The following ZNF14 variants were observed in gnomAD, a reference collection of about 807,000 sequenced individuals.
ZNF14 encodes the protein zinc finger protein 14, also known as gonadotropin inducible transcription repressor-4.
A neutral mutation model predicts 11.3 loss-of-function variants in ZNF14; 9 were observed. That is an observed-to-expected ratio of 0.80 (90% CI 0.48 to 1.39). The LOEUF (loss-of-function observed/expected upper bound fraction) is 1.39. Ranked by LOEUF, ZNF14 falls within the 40% of genes most tolerant of loss-of-function variation. The pLI, the probability that ZNF14 is intolerant of heterozygous loss-of-function variation, is 0.00. For missense variants in ZNF14, 711 were observed against 763.9 expected (o/e 0.93, Z 0.82); for synonymous variants, 239 against 245.7 (o/e 0.97, Z 0.25).
At chr19:19,717,166 T>C (rs1357651146) in intron 1 of ZNF14, among the ~76,000 whole-genome samples, 1 of 152,186 alleles carries the variant, frequency 6.6e-6, no homozygotes, top group Non-Finnish European at 1.5e-5. Flanking sequence ...CACCCATGCT[T>C]CTACACGCCA....
intron 1 of ZNF14, among the ~76,000 whole-genome samples, chr19:19,715,581 T>C (rs1018703016): frequency 2.6e-5 from 4 of 152,188 alleles, no homozygotes; most frequent in African/African-American, 9.7e-5. Flanking sequence ...AAACACGCAT[T>C]ACATTACTTC....
intron 1 of ZNF14, among the ~76,000 whole-genome samples, chr19:19,722,528 T>C (rs953395246): frequency 6.6e-6 from 1 of 152,222 alleles, no homozygotes; most frequent in Non-Finnish European, 1.5e-5. Context: ...CTTTGTTCTT[T>C]TGGCTTAGGA....
At chr19:19,727,325 T>C (rs2145104562) in intron 1 of ZNF14, among the ~76,000 whole-genome samples, 1 of 133,908 alleles carries the variant, frequency 7.5e-6, no homozygotes, top group Non-Finnish European at 1.7e-5. Context: ...TAGTTAATTT[T>C]TTTCTTTTTT....
At chr19:19,730,844 G>A (rs1422793467) in intron 1 of ZNF14, among the ~76,000 whole-genome samples, 5 of 152,142 alleles carry the variant, frequency 3.3e-5, no homozygotes, top group South Asian at 2.1e-4. Flanking sequence ...CCTGGAAGGC[G>A]GAGGTTGCGG....
rs748376363 is a variant in ZNF14, at chr19:19,712,001, G to T, written c.1280C>A (p.Thr427Asn). 6.2e-7 allele frequency: 1 copy of T among 1,613,596 alleles called. No individual in the cohort carries two copies. The highest frequency in any genetic ancestry group is 2.2e-5 in the East Asian group (1 of 44,838). Residue 427 changes from threonine (T) to asparagine (N), a missense_variant, in exon 4 of 4, where the codon ACC becomes AAC. Physicochemically the swap from Thr to Asn is moderately conservative, Grantham distance 65. Transcript: ENST00000344099. ...TTGAAGGGAACTTGAAAAACTGAAGGTTTTACCACATTGTTTACATTCATA... is the reference window on the plus strand; with the variant it reads ...TTGAAGGGAACTTGAAAAACTGAAGTTTTTACCACATTGTTTACATTCATA... ...KPYECKQCGK[T>N]FSFSSSLQRH...
At chr19:19,722,082 C>T (rs905484113) in intron 1 of ZNF14, among the ~76,000 whole-genome samples, 1 of 151,986 alleles carries the variant, frequency 6.6e-6, no homozygotes, top group Non-Finnish European at 1.5e-5. Context: ...CTTGTTATTA[C>T]TTAAATTCCA....
chr19:19,713,045 T>G lies in ZNF14; in HGVS notation c.236A>C (p.Lys79Thr). Residue 79 changes from lysine to threonine, a missense_variant, in exon 4 of 4, where the codon AAA becomes ACA. By Grantham distance (78) the Lys-to-Thr change is moderately conservative. Transcript: ENST00000344099. ...ERLCESRRGS[K>T]CGETTSQMPN... ...CATCTGGCTAGTGGTTTCTCCACAT[T>G]TGCTACCTCTTCTACTTTCACAGAG... is the stretch of plus-strand genomic sequence containing the variant. 1 of 1,611,562 alleles carries G rather than the reference T, an allele frequency of 6.2e-7. No individual in the cohort carries two copies. The highest frequency in any genetic ancestry group is 2.2e-5 in the East Asian group (1 of 44,844).
At chr19:19,721,132 AT>A (rs1299197236) in intron 1 of ZNF14, among the ~76,000 whole-genome samples, 3 of 152,000 alleles carry the variant, frequency 2.0e-5, no homozygotes. Context: ...TAATTTTTGT[AT>A]TTTTAGTAGA....
At position 19,711,474 on chromosome 19, in the gene ZNF14, G is replaced by T. The variant is rs757216310; in HGVS notation, c.1807C>A (p.Arg603=). The T allele has an allele frequency of 9.9e-6, 16 of 1,613,848 alleles. No individual in the cohort carries two copies. Among genetic ancestry groups the T allele is most frequent in the Non-Finnish European group, 1.4e-5 (16 of 1,179,930 alleles). Residue 603 remains arginine, a synonymous_variant, in exon 4 of 4, where the codon CGA becomes AGA. Transcript: ENST00000344099. The part of the protein sequence containing the change: ...GKAFRFSSSV[R]IHERSHTGEK... ...CCAGTGTGAGACCTTTCATGAATTC[G>T]AACAGAACTTGAAAATCTGAAGGCT...
At chr19:19,732,868 C>G (rs2062428073) in intron 1 of ZNF14, 88 bp downstream of exon 1, 4 of 1,569,040 alleles carry the variant, frequency 2.5e-6, no homozygotes, top group East Asian at 2.3e-5. Context: ...CTGCAAACCC[C>G]GGAGTTGACT....
intron 1 of ZNF14, among the ~76,000 whole-genome samples, chr19:19,731,883 C>A (rs1210375474): frequency 1.3e-5 from 2 of 152,042 alleles, no homozygotes; most frequent in South Asian, 4.2e-4. Context: ...CTGGCTAACA[C>A]GGTGAAACCC....
Position 19,712,023 on chromosome 19 carries a change from C to T in ZNF14, c.1258G>A (p.Glu420Lys), listed in dbSNP as rs762907795. The T allele has an allele frequency of 1.9e-6, 3 of 1,613,654 alleles. No individual in the cohort carries two copies. Among genetic ancestry groups the T allele is most frequent in the Non-Finnish European group, 2.5e-6 (3 of 1,179,910 alleles). Residue 420 changes from glutamate (E) to lysine (K), a missense_variant, in exon 4 of 4, where the codon GAA becomes AAA. By Grantham distance (56) the Glu-to-Lys change is moderately conservative (BLOSUM62 1). Coordinates refer to ENST00000344099, the MANE Select transcript of ZNF14 (RefSeq NM_021030.3). ...AAGGTTTTACCACATTGTTTACATT[C>T]ATAGGGTTTCTCTCCAGTGTGAGTT... ...ETTHTGEKPY[E>K]CKQCGKTFSF... is the part of the protein sequence containing the mutation.
intron 1 of ZNF14, among the ~76,000 whole-genome samples, chr19:19,728,471 G>A (rs75948136): frequency 0.018 from 1,884 of 105,668 alleles, 339 homozygotes; most frequent in African/African-American, 0.068. Flanking sequence ...AGCCAAGATC[G>A]AGCCACTGCA....
rs543780797 is a variant in ZNF14 at position 19,710,767 on chromosome 19, C to T, written c.*585G>A. On this transcript the variant is annotated 3_prime_UTR_variant, in exon 4 of 4. Coordinates refer to ENST00000344099, the MANE Select transcript of ZNF14 (RefSeq NM_021030.3). ...CTCTAGAGGACAGTTGGAAGATTTT[C>T]CCACTTTTATTTTTTCTTGAGACAG... The T allele has an allele frequency of 6.5e-5, 10 of 152,928 alleles. No homozygotes were observed. In the East Asian group the frequency reaches 1.9e-3, roughly 30 times the overall value. The allele number at this position is 152,928 out of a possible 1,614,324, so 9.5% of individuals were successfully genotyped here.
chr19:19,716,055 A>T (rs984431399), intron 1 of ZNF14, among the ~76,000 whole-genome samples: 4 of 152,112 alleles, frequency 2.6e-5, no homozygotes, highest in Non-Finnish European at 4.4e-5. Context: ...TTTGTATACC[A>T]GGAGAGGGTT....
At chr19:19,717,330 G>A (rs530392785) in intron 1 of ZNF14, among the ~76,000 whole-genome samples, 1 of 152,290 alleles carries the variant, frequency 6.6e-6, no homozygotes, top group South Asian at 2.1e-4. Context: ...CCATTGGTCG[G>A]TATGCAGAGC....
chr19:19,713,374 A>G (rs1455079867), intron 3 of ZNF14, among the ~76,000 whole-genome samples: 2 of 151,718 alleles, frequency 1.3e-5, no homozygotes, highest in Non-Finnish European at 2.9e-5. Flanking sequence ...GAAGCCTTGA[A>G]TTCCTGGGCT....
At chr19:19,721,248 C>A (rs531511382) in intron 1 of ZNF14, among the ~76,000 whole-genome samples, 14 of 152,030 alleles carry the variant, frequency 9.2e-5, no homozygotes, top group Admixed American at 3.3e-4. Flanking sequence ...GAGCCACCAC[C>A]CCCGGCCCTT....
In ZNF14 at chr19:19,720,711, T is replaced by G. The variant is rs1187206564; in HGVS notation, c.4-6224A>C. 1.3e-5 allele frequency among the ~76,000 whole-genome samples: 2 copies of G among 152,098 alleles called. No homozygotes were observed. On this transcript the variant is annotated intron_variant, in intron 1 of 3. Transcript: ENST00000344099. The surrounding 1 kb of genome is among the most constrained non-coding windows in gnomAD (Gnocchi z 4.1). ...TGGAAGCCCCTAAAATTAAAAATAA[T>G]CAGGGAACTCATTTTACATCAAGGA...
Sources: allele counts gnomAD v4.1 joint callset (sites outside exome capture counted in the v4.1 genomes callset), GRCh38; gene constraint gnomAD v4.1.1; non-coding constraint Gnocchi (gnomAD v3.1); transcripts MANE v1.5; gene names NCBI Gene and HGNC (gene_info 2026-07-23, HGNC 2026-07-21).